The following IQCF1 variants were observed in gnomAD, a reference collection of about 807,000 sequenced individuals.
The protein encoded by IQCF1 is IQ domain-containing protein F1.
In IQCF1, 9 loss-of-function variants were observed where a neutral mutation model predicts 12.5. The ratio of observed to expected loss-of-function variants is 0.72; its 90% CI spans 0.43 to 1.26. The LOEUF (loss-of-function observed/expected upper bound fraction) is 1.26, where lower values mean the gene tolerates loss of function less well. IQCF1 is among the 50% of genes most tolerant of loss of function. The pLI is 0.00. For synonymous variants in IQCF1, 67 were observed against 96.2 expected, an observed-to-expected ratio of 0.70 and a Z score of 1.78; for missense variants, 252 against 257.4, an observed-to-expected ratio of 0.98 and a Z score of 0.14.
intron 2 of IQCF1, among the ~76,000 whole-genome samples, chr3:51,899,333 TC>T (rs1246556914): frequency 6.6e-6 from 1 of 152,210 alleles, no homozygotes; most frequent in Non-Finnish European, 1.5e-5. Flanking sequence ...TGAAGAATTA[TC>T]TGTGAAAGTC....
chr3:51,903,149 A>G (rs182295591), intron 1 of IQCF1, 60 bp from the exon 2 acceptor site: 1 of 1,591,690 alleles, frequency 6.3e-7, no homozygotes, highest in East Asian at 2.2e-5. Flanking sequence ...TCTCCATTCA[A>G]TATGGCACAC....
rs1338244002 is a variant in IQCF1, at chr3:51,903,291, T to C, written c.-19A>G. On this transcript the variant is annotated 5_prime_UTR_variant, in exon 1 of 4. Coordinates refer to ENST00000310914, the MANE Select transcript of IQCF1 (RefSeq NM_152397.3). ...TTACCATTGGTCACATATGGATTGA[T>C]TGTAGATGGTTCAAATCCCCTCACA... The C allele has an allele frequency of 1.2e-6, 2 of 1,613,910 alleles. No homozygotes were observed. The highest frequency in any genetic ancestry group is 1.7e-6 in the Non-Finnish European group (2 of 1,179,802).
At chr3:51,899,105 C>G (rs1250080824) in intron 2 of IQCF1, among the ~76,000 whole-genome samples, 1 of 152,074 alleles carries the variant, frequency 6.6e-6, no homozygotes, top group African/African-American at 2.4e-5. Context: ...CATGTATTAT[C>G]CTAACTTCTA....
chr3:51,901,684 T>A (rs546772996), intron 2 of IQCF1, among the ~76,000 whole-genome samples: 2 of 152,336 alleles, frequency 1.3e-5, no homozygotes, highest in East Asian at 1.9e-4. Flanking sequence ...TTAAATGCAA[T>A]TGGAGTCTAG....
At position 51,900,707 on chromosome 3, in the gene IQCF1, G is replaced by A. The variant is rs1452371423; in HGVS notation, c.108+2278C>T. Among the ~76,000 whole-genome samples, 1 of 152,190 alleles carries A rather than the reference G, an allele frequency of 6.6e-6. No individual in the cohort carries two copies. The highest frequency in any genetic ancestry group is 2.4e-5 in the African/African-American group (1 of 41,452). ...GAGCAAGGATGGACTGCCCCAACCG[G>A]TTTTTGTAATTTCCTAAAACCATAC... On this transcript the variant is annotated intron_variant, in intron 2 of 3. Transcript: ENST00000310914. The surrounding 1 kb of genome is among the most constrained non-coding windows in gnomAD (Gnocchi z 4.2).
At chr3:51,897,014 T>C (rs1699012404) in intron 2 of IQCF1, 120 bp from the exon 3 acceptor site, 5 of 798,896 alleles carry the variant, frequency 6.3e-6, no homozygotes, top group African/African-American at 1.7e-5. Flanking sequence ...GTCAGTATGT[T>C]CAATTCTTTG....
chr3:51,896,950 T>A, intron 2 of IQCF1, 56 bp from the exon 3 acceptor site: 2 of 1,354,728 alleles, frequency 1.5e-6, no homozygotes, highest in Non-Finnish European at 2.1e-6. Context: ...ATTTCTCTTC[T>A]TAGCCCAGCA....
chr3:51,897,484 G>A lies in IQCF1; in HGVS notation c.109-590C>T, dbSNP rs544638161. 1.5e-4 allele frequency among the ~76,000 whole-genome samples: 23 copies of A among 152,350 alleles called. No homozygotes were observed. The South Asian group carries it at 4.8e-3, about 32-fold the overall frequency. ...CATTCCCCTCCGGGGGTGGTCTCTGGTTCTCCAACGTGAGGAGGCATGCCC... is the reference window on the plus strand; with the variant it reads ...CATTCCCCTCCGGGGGTGGTCTCTGATTCTCCAACGTGAGGAGGCATGCCC... On this transcript the variant is annotated intron_variant, in intron 2 of 3. Transcript: ENST00000310914.
intron 2 of IQCF1, 128 bp from the exon 3 acceptor site, chr3:51,897,022 T>A: frequency 1.3e-6 from 1 of 758,716 alleles, no homozygotes; most frequent in African/African-American, 1.7e-5. Flanking sequence ...GTTCAATTCT[T>A]TGCCTTCTAC....
At chr3:51,898,615 C>CAA (rs60334046) in intron 2 of IQCF1, among the ~76,000 whole-genome samples, 7 of 128,934 alleles carry the variant, frequency 5.4e-5, no homozygotes, top group Non-Finnish European at 8.4e-5. Context: ...TATCCTAAGT[C>CAA]AAAAAAAAAA....
chr3:51,896,321 C>G (rs1280676799), intron 3 of IQCF1, among the ~76,000 whole-genome samples: 1 of 152,186 alleles, frequency 6.6e-6, no homozygotes, highest in Non-Finnish European at 1.5e-5. Context: ...GCCCTCTCCC[C>G]AGCCACCACT....
chr3:51,902,632 C>T (rs1699090003), intron 2 of IQCF1, among the ~76,000 whole-genome samples: 1 of 152,134 alleles, frequency 6.6e-6, no homozygotes. Flanking sequence ...TTTTTCCCAC[C>T]AAACCACTCA....
At chr3:51,899,877 A>G (rs1699055179) in intron 2 of IQCF1, among the ~76,000 whole-genome samples, 1 of 152,220 alleles carries the variant, frequency 6.6e-6, no homozygotes, top group South Asian at 2.1e-4. Context: ...AAAATCATAC[A>G]GGAAGCTTGT....
Position 51,895,050 on chromosome 3 carries a change from A to T in IQCF1, c.458T>A (p.Ile153Asn), listed in dbSNP as rs1490352936. The T allele has an allele frequency of 1.9e-6, 3 of 1,614,238 alleles. No individual in the cohort carries two copies. The highest frequency in any genetic ancestry group is 2.2e-5 in the South Asian group (2 of 91,088). Residue 153 changes from isoleucine to asparagine, a missense_variant, in exon 4 of 4, where the codon ATC (isoleucine) becomes AAC (asparagine). Coordinates refer to ENST00000310914, the MANE Select transcript of IQCF1 (RefSeq NM_152397.3). The surrounding 1 kb of genome is among the most constrained non-coding windows in gnomAD (Gnocchi z 4.8). ...GCGGCACCTCCAGTAAGCCTGGATG[A>T]TGCGAACAGCATTGAGCACCTGGCA... ...RYCQVLNAVR[I>N]IQAYWRCRSC...
At chr3:51,901,474 T>C (rs1207048986) in intron 2 of IQCF1, among the ~76,000 whole-genome samples, 1 of 152,204 alleles carries the variant, frequency 6.6e-6, no homozygotes, top group African/African-American at 2.4e-5. Context: ...CAGTCAGCCC[T>C]TGTTCATCCC....
At chr3:51,901,185 C>T (rs916533413) in intron 2 of IQCF1, among the ~76,000 whole-genome samples, 7 of 152,314 alleles carry the variant, frequency 4.6e-5, no homozygotes, top group Admixed American at 2.6e-4. Flanking sequence ...CCCAGAATGT[C>T]CCCTTTCCAC....
rs773197326 is a variant in IQCF1, at chr3:51,895,062, T to C, written c.446A>G (p.Asn149Ser). ...RIRRRYCQVL[N>S]AVRIIQAYWR... ...GTAAGCCTGGATGATGCGAACAGCA[T>C]TGAGCACCTGGCAATAGCGTCTGCG... The change falls in exon 4 of 4, where the codon AAT becomes AGT. Residue 149 changes from asparagine to serine, a missense_variant. Physicochemically the swap from Asn to Ser is conservative, Grantham distance 46. Transcript: ENST00000310914. The surrounding 1 kb of genome is among the most constrained non-coding windows in gnomAD (Gnocchi z 4.8). 6.2e-6 allele frequency: 10 copies of C among 1,614,216 alleles called. No individual in the cohort carries two copies. In the South Asian group the frequency reaches 8.8e-5, roughly 14 times the overall value.
chr3:51,896,134 A>T (rs903322890), intron 3 of IQCF1, among the ~76,000 whole-genome samples: 1 of 152,228 alleles, frequency 6.6e-6, no homozygotes. Flanking sequence ...TGAATAGGAA[A>T]CATTTGTCCT....
Position 51,894,999 on chromosome 3 carries a change from TTGA to T in IQCF1, c.506_508del (p.Ile169del). ...GTTGGCTGTGACTCTGTACTGGCCC[TTGA>T]TGAACCCCCGGGAAGCACAGGAGCG... is the stretch of plus-strand genomic sequence containing the variant. On this transcript the variant is annotated inframe_deletion, in exon 4 of 4. Coordinates refer to ENST00000310914, the MANE Select transcript of IQCF1 (RefSeq NM_152397.3). 2 of 1,614,226 alleles carry T rather than the reference TTGA, an allele frequency of 1.2e-6. No individual in the cohort carries two copies. Among genetic ancestry groups the T allele is most frequent in the African/African-American group, 1.3e-5 (1 of 75,066 alleles).
Sources: gnomAD v4.1 joint callset for allele counts (sites outside exome capture counted in the v4.1 genomes callset) on GRCh38, gnomAD v4.1.1 for gene constraint, Gnocchi (gnomAD v3.1) non-coding constraint, MANE v1.5 for transcripts, NCBI Gene and HGNC (gene_info 2026-07-23, HGNC 2026-07-21) for gene names.